The following ROBO1 variants were observed in gnomAD, a reference collection of about 807,000 sequenced individuals.
The protein encoded by ROBO1 is roundabout homolog 1.
A neutral mutation model predicts 195.9 loss-of-function variants in ROBO1; 149 were observed. The ratio of observed to expected loss-of-function variants is 0.76; its 90% CI spans 0.67 to 0.87. The LOEUF (loss-of-function observed/expected upper bound fraction) is 0.87. Among genes scored for constraint, ROBO1 ranks in the 40% least tolerant of loss-of-function variants. The probability of loss-of-function intolerance (pLI) is 0.00; values close to 1 mark genes in which losing one functional copy is unlikely to be tolerated. For synonymous variants in ROBO1, 816 were observed against 733.2 expected (o/e 1.11, Z -1.82); for missense variants, 1,933 against 2,068.3 (o/e 0.93, Z 1.27).
intron 2 of ROBO1, among the ~76,000 whole-genome samples, chr3:79,264,004 A>C (rs1227432419): frequency 1.3e-5 from 2 of 152,062 alleles, no homozygotes; most frequent in African/African-American, 4.8e-5. Context: ...TCCCATTCTT[A>C]TACCAGCTTT....
chr3:79,334,272 C>T (rs1258935577), intron 2 of ROBO1, among the ~76,000 whole-genome samples: 2 of 144,434 alleles, frequency 1.4e-5, no homozygotes, highest in Non-Finnish European at 3.0e-5. Context: ...CACTGAACTC[C>T]AGCCTGGTGA....
chr3:79,313,305 G>A (rs2033577458), intron 2 of ROBO1, among the ~76,000 whole-genome samples: 1 of 152,022 alleles, frequency 6.6e-6, no homozygotes, highest in Non-Finnish European at 1.5e-5. Context: ...TCCCAATCCT[G>A]CTTATGCCTT....
intron 3 of ROBO1, among the ~76,000 whole-genome samples, chr3:78,963,322 AG>A (rs2041481873): frequency 6.6e-6 from 1 of 151,822 alleles, no homozygotes; most frequent in South Asian, 2.1e-4. Context: ...TCAAAAGTTA[AG>A]TGAAGTGGGC....
At chr3:79,160,519 C>T (rs749821974) in intron 2 of ROBO1, among the ~76,000 whole-genome samples, 15 of 151,862 alleles carry the variant, frequency 9.9e-5, no homozygotes, top group Admixed American at 4.6e-4. Flanking sequence ...TCAACATTTC[C>T]GGAACATTGT....
Position 79,083,420 on chromosome 3 carries a change from A to G in ROBO1, c.172+42036T>C, listed in dbSNP as rs149742952. 5.9e-5 allele frequency among the ~76,000 whole-genome samples: 9 copies of G among 152,290 alleles called. 1 individual carries two copies. Among genetic ancestry groups the G allele is most frequent in the African/African-American group, 2.2e-4 (9 of 41,578 alleles). ...GCTATATATAGATACCTATTTGTCT[A>G]TCTATCTGATGGTAAAATCCACATT... On this transcript the variant is annotated intron_variant, in intron 3 of 30. Transcript: ENST00000464233.
At chr3:78,937,738 G>A (rs573164596) in intron 4 of ROBO1, among the ~76,000 whole-genome samples, 1 of 152,228 alleles carries the variant, frequency 6.6e-6, no homozygotes, top group South Asian at 2.1e-4. Context: ...AAAACTACTT[G>A]AGGATAACAT....
intron 4 of ROBO1, among the ~76,000 whole-genome samples, chr3:78,876,729 G>A (rs555373583): frequency 6.6e-6 from 1 of 152,166 alleles, no homozygotes; most frequent in African/African-American, 2.4e-5. Flanking sequence ...AGAACGTACT[G>A]TGGAATAGTC....
At chr3:78,604,323 C>A (rs1703347649) in intron 29 of ROBO1, among the ~76,000 whole-genome samples, 1 of 152,302 alleles carries the variant, frequency 6.6e-6, no homozygotes, top group East Asian at 1.9e-4. Flanking sequence ...CCCACCTTGG[C>A]CTCCCAAAGT....
At position 78,680,359 on chromosome 3, in the gene ROBO1, G is replaced by A. The variant is rs527332164; in HGVS notation, c.1342+5387C>T. ...GATCTAATTGAACTAAAGAGCTTCT[G>A]CACAGCAAAAGAAACTACCATCAGA... On this transcript the variant is annotated intron_variant, in intron 10 of 30. Coordinates refer to ENST00000464233, the MANE Select transcript of ROBO1 (RefSeq NM_002941.4). Among the ~76,000 whole-genome samples, 53 of 152,238 alleles carry A rather than the reference G, an allele frequency of 3.5e-4. No homozygotes were observed. In the East Asian group the frequency reaches 8.3e-3, roughly 24 times the overall value.
intron 2 of ROBO1, among the ~76,000 whole-genome samples, chr3:79,227,626 T>C (rs1323224303): frequency 6.6e-6 from 1 of 152,084 alleles, no homozygotes; most frequent in Non-Finnish European, 1.5e-5. Context: ...CACCTTCCTG[T>C]TCAATTCATC....
chr3:79,179,236 T>C (rs2081303055), intron 2 of ROBO1, among the ~76,000 whole-genome samples: 1 of 152,218 alleles, frequency 6.6e-6, no homozygotes, highest in African/African-American at 2.4e-5. Context: ...TTACAGATAC[T>C]AGTTTAGGTC....
At chr3:79,729,804 A>T (rs2107346428) in intron 1 of ROBO1, among the ~76,000 whole-genome samples, 1 of 152,312 alleles carries the variant, frequency 6.6e-6, no homozygotes, top group East Asian at 1.9e-4. Context: ...AATGTCACTG[A>T]GTCCAGAGGC....
intron 2 of ROBO1, among the ~76,000 whole-genome samples, chr3:79,242,907 G>A (rs2082547515): frequency 6.6e-6 from 1 of 151,944 alleles, no homozygotes; most frequent in Non-Finnish European, 1.5e-5. Context: ...ATGTATACAT[G>A]TGCCATGTTG....
At chr3:78,995,031 T>C (rs967761989) in intron 3 of ROBO1, among the ~76,000 whole-genome samples, 1 of 152,170 alleles carries the variant, frequency 6.6e-6, no homozygotes, top group South Asian at 2.1e-4. Context: ...ATGACTGCTA[T>C]ACACTCGAAG....
intron 2 of ROBO1, among the ~76,000 whole-genome samples, chr3:79,343,524 T>G (rs1402766066): frequency 1.3e-5 from 2 of 152,174 alleles, no homozygotes; most frequent in Admixed American, 6.6e-5. Context: ...ATTTTGTGAT[T>G]AACAGGTTAG....
At position 79,729,583 on chromosome 3, in the gene ROBO1, G is replaced by A. The variant is rs138810117; in HGVS notation, c.-51+38169C>T. Among the ~76,000 whole-genome samples the A allele has an allele frequency of 2.8e-3, 428 of 152,240 alleles. 2 individuals carry two copies. Among genetic ancestry groups the A allele is most frequent in the African/African-American group, 9.6e-3 (398 of 41,536 alleles). ...AGCAAATTTAAGAGGGTACTTTGTGGTTATATCCATCCAATTGCTGTATTT... is the reference window on the plus strand; with the variant it reads ...AGCAAATTTAAGAGGGTACTTTGTGATTATATCCATCCAATTGCTGTATTT... On this transcript the variant is annotated intron_variant, in intron 1 of 30. Coordinates refer to ENST00000464233, the MANE Select transcript of ROBO1 (RefSeq NM_002941.4).
intron 2 of ROBO1, among the ~76,000 whole-genome samples, chr3:79,379,932 C>A (rs987799302): frequency 6.6e-6 from 1 of 152,274 alleles, no homozygotes; most frequent in South Asian, 2.1e-4. Context: ...TAATGTTTAA[C>A]CCTGTATTAT....
chr3:79,387,526 A>G (rs2106675886), intron 2 of ROBO1, among the ~76,000 whole-genome samples: 1 of 151,684 alleles, frequency 6.6e-6, no homozygotes, highest in South Asian at 2.1e-4. Context: ...TAATGTTAGT[A>G]AAATGCCATC....
intron 4 of ROBO1, among the ~76,000 whole-genome samples, chr3:78,838,049 A>G (rs944306405): frequency 1.3e-5 from 2 of 152,218 alleles, no homozygotes; most frequent in African/African-American, 2.4e-5. Context: ...GGTGACTTCC[A>G]TATTAGTAAT....
Sources: allele counts gnomAD v4.1 joint callset (sites outside exome capture counted in the v4.1 genomes callset), GRCh38; gene constraint gnomAD v4.1.1; transcripts MANE v1.5; gene names NCBI Gene and HGNC (gene_info 2026-07-23, HGNC 2026-07-21).